The following INTS8 variants were observed in gnomAD, a reference collection of about 807,000 sequenced individuals.
INTS8 encodes the protein integrator complex subunit 8.
Under a neutral mutation model 138.9 loss-of-function variants are expected in INTS8, and 47 were observed. That is an observed-to-expected ratio of 0.34 (90% CI 0.27 to 0.43). The LOEUF (loss-of-function observed/expected upper bound fraction) is 0.43, where lower values mean the gene tolerates loss of function less well. Among genes scored for constraint, INTS8 ranks in the 20% least tolerant of loss-of-function variants. The probability of loss-of-function intolerance (pLI) is 1.00; values close to 1 mark genes in which losing one functional copy is unlikely to be tolerated. For synonymous variants in INTS8, 392 were observed against 400.9 expected, an observed-to-expected ratio of 0.98 and a Z score of 0.27; for missense variants, 996 against 1,173.0, an observed-to-expected ratio of 0.85 and a Z score of 2.20.
At position 94,880,378 on chromosome 8, in the gene INTS8, A is replaced by T; in HGVS notation, c.*144A>T. 1.9e-6 allele frequency: 1 copy of T among 538,744 alleles called. No individual in the cohort carries two copies. Among genetic ancestry groups the T allele is most frequent in the South Asian group, 2.7e-5 (1 of 36,670 alleles). 33.4% of individuals were successfully genotyped at this position (538,744 alleles called of 1,614,324 possible). Reference sequence around the variant, plus strand: ...AATACTGAAACAAATATTAGTTTAAAAACAAACTATACAGAAGACTTCATA... The same window carrying T: ...AATACTGAAACAAATATTAGTTTAATAACAAACTATACAGAAGACTTCATA... On this transcript the variant is annotated 3_prime_UTR_variant, in exon 27 of 27. Coordinates refer to ENST00000523731, the MANE Select transcript of INTS8 (RefSeq NM_017864.4).
intron 5 of INTS8, among the ~76,000 whole-genome samples, chr8:94,829,922 C>T (rs1215534788): frequency 1.3e-5 from 2 of 151,950 alleles, no homozygotes; most frequent in African/African-American, 4.8e-5. Context: ...TTTTTTGAGA[C>T]AGAGTCTTGC....
At position 94,852,774 on chromosome 8, in the gene INTS8, A is replaced by G. The variant is rs530399727; in HGVS notation, c.1642-1031A>G. ...CTGATGAATTTTGTATTTTTAGTAG[A>G]TACGGGTTTCTCCATGTTGTTCTCC... On this transcript the variant is annotated intron_variant, in intron 13 of 26. Transcript: ENST00000523731. Among the ~76,000 whole-genome samples, 86 of 151,964 alleles carry G rather than the reference A, an allele frequency of 5.7e-4. 2 individuals are homozygous for G. In the South Asian group the frequency reaches 0.013, roughly 22 times the overall value.
intron 15 of INTS8, among the ~76,000 whole-genome samples, chr8:94,857,480 A>C (rs999709671): frequency 6.6e-6 from 1 of 152,168 alleles, no homozygotes; most frequent in Non-Finnish European, 1.5e-5. Flanking sequence ...CATTTCTGGG[A>C]TTTCTGTAAC....
intron 26 of INTS8, among the ~76,000 whole-genome samples, chr8:94,877,358 C>T (rs1416315054): frequency 6.6e-6 from 1 of 151,958 alleles, no homozygotes; most frequent in Non-Finnish European, 1.5e-5. Context: ...AAATATATGC[C>T]CATTGTTTAG....
intron 6 of INTS8, among the ~76,000 whole-genome samples, chr8:94,833,968 C>T (rs7014299): frequency 6.6e-6 from 1 of 152,128 alleles, no homozygotes; most frequent in Non-Finnish European, 1.5e-5. Context: ...GATGGGGTTT[C>T]TCCATGTTGA....
chr8:94,870,136 CTG>C (rs1816342889), intron 20 of INTS8, among the ~76,000 whole-genome samples: 1 of 151,876 alleles, frequency 6.6e-6, no homozygotes, highest in African/African-American at 2.4e-5. Context: ...ACTGCAAGCT[CTG>C]CCTCCCGGGT....
At chr8:94,833,509 C>T (rs1814805509) in intron 6 of INTS8, among the ~76,000 whole-genome samples, 1 of 151,620 alleles carries the variant, frequency 6.6e-6, no homozygotes, top group Non-Finnish European at 1.5e-5. Flanking sequence ...TACTTGGTAA[C>T]ATTTTAAAAT....
chr8:94,877,743 A>G (rs557836180), intron 26 of INTS8, among the ~76,000 whole-genome samples: 1 of 152,282 alleles, frequency 6.6e-6, no homozygotes, highest in Admixed American at 6.5e-5. Flanking sequence ...TCTTACTGTC[A>G]GGCACAATTG....
chr8:94,850,107 G>T lies in INTS8; in HGVS notation c.1507+16G>T. 6.5e-7 allele frequency: 1 copy of T among 1,548,236 alleles called. No individual in the cohort carries two copies. The highest frequency in any genetic ancestry group is 1.2e-5 in the South Asian group (1 of 80,334). On this transcript the variant is annotated intron_variant, in intron 12 of 26. Coordinates refer to ENST00000523731, the MANE Select transcript of INTS8 (RefSeq NM_017864.4). ...GATATCCCAGGTTAGCTCTCTAGTC[G>T]GCCAGCCAAAATGTTGGCATGTTTT...
intron 16 of INTS8, among the ~76,000 whole-genome samples, chr8:94,864,127 A>G (rs557771682): frequency 2.5e-4 from 38 of 152,352 alleles, no homozygotes; most frequent in African/African-American, 9.1e-4. Context: ...ATATAAAGCA[A>G]ACATGGCAGA....
intron 14 of INTS8, among the ~76,000 whole-genome samples, chr8:94,854,457 G>C (rs545448417): frequency 1.1e-4 from 16 of 152,212 alleles, no homozygotes; most frequent in Middle Eastern, 3.4e-3. Context: ...GATATTATTT[G>C]TATTCTTTAG....
At chr8:94,839,231 C>CT (rs1164530033) in intron 8 of INTS8, among the ~76,000 whole-genome samples, 2 of 152,180 alleles carry the variant, frequency 1.3e-5, no homozygotes, top group East Asian at 3.9e-4. Context: ...ATGAAAACGC[C>CT]TTAATGAGTC....
intron 21 of INTS8, among the ~76,000 whole-genome samples, chr8:94,872,617 G>A (rs770719349): frequency 6.6e-6 from 1 of 152,112 alleles, no homozygotes; most frequent in Non-Finnish European, 1.5e-5. Flanking sequence ...AATCTCTGCA[G>A]GTACAGTTGA....
At chr8:94,824,748 T>G in intron 1 of INTS8, 145 bp from the exon 2 acceptor site, 1 of 421,828 alleles carries the variant, frequency 2.4e-6, no homozygotes, top group Non-Finnish European at 4.4e-6. Flanking sequence ...AGCGCAGCTG[T>G]TTGGATTCCT....
chr8:94,837,824 T>G (rs1814984816), intron 7 of INTS8, among the ~76,000 whole-genome samples: 1 of 152,154 alleles, frequency 6.6e-6, no homozygotes, highest in South Asian at 2.1e-4. Context: ...AGCAAATATC[T>G]TAGGCTTTCT....
intron 19 of INTS8, 31 bp from the exon 20 acceptor site, chr8:94,867,245 G>A (rs1348143724): frequency 6.2e-7 from 1 of 1,600,128 alleles, no homozygotes; most frequent in South Asian, 1.1e-5. Context: ...AAATTTCTTT[G>A]TAAATCACAC....
chr8:94,872,120 A>T, intron 21 of INTS8, 118 bp downstream of exon 21: 1 of 596,436 alleles, frequency 1.7e-6, no homozygotes. Context: ...ACTTGTCTTT[A>T]GTAAAATTAA....
At chr8:94,836,720 G>T (rs538230484) in intron 7 of INTS8, 89 bp downstream of exon 7, 1 of 759,326 alleles carries the variant, frequency 1.3e-6, no homozygotes, top group Non-Finnish European at 2.2e-6. Flanking sequence ...TGATAAAAAC[G>T]TGTTCATTAT....
rs766071672 is a variant in INTS8 at position 94,827,776 on chromosome 8, A to C, written c.501A>C (p.Gly167=). The stretch of plus-strand genomic sequence containing the variant: ...TTCCAGTCAAACAGGCAAAACCCGG[A>C]CCCCCTCAGTTAAGTGTGTAAGTTG... The part of the protein sequence containing the change: ...SSFPVKQAKP[G]PPQLSVMNQM... Residue 167 remains glycine (G), a synonymous_variant, in exon 4 of 27, where the codon GGA becomes GGC. Transcript: ENST00000523731. The C allele has an allele frequency of 5.6e-6, 9 of 1,613,778 alleles. No homozygotes were observed. In the South Asian group the frequency reaches 8.8e-5, roughly 16 times the overall value.
Sources: gnomAD v4.1 joint callset for allele counts (sites outside exome capture counted in the v4.1 genomes callset) on GRCh38, gnomAD v4.1.1 for gene constraint, MANE v1.5 for transcripts, NCBI Gene and HGNC (gene_info 2026-07-23, HGNC 2026-07-21) for gene names.